The following ANO3 variants were observed in gnomAD, a reference collection of about 807,000 sequenced individuals.
ANO3 encodes anoctamin 3.
In ANO3, 99 loss-of-function variants were observed where a neutral mutation model predicts 144.8. The ratio of observed to expected loss-of-function variants is 0.68; its 90% CI spans 0.58 to 0.81. The LOEUF (loss-of-function observed/expected upper bound fraction) is 0.81. ANO3 is among the 30% of genes least tolerant of loss of function. ANO3 has a pLI of 0.00. For synonymous variants in ANO3, 414 were observed against 392.6 expected, an observed-to-expected ratio of 1.05 and a Z score of -0.64; for missense variants, 905 against 1,202.2, an observed-to-expected ratio of 0.75 and a Z score of 3.66.
At chr11:26,358,506 T>C (rs887626764) in intron 1 of ANO3, among the ~76,000 whole-genome samples, 1 of 152,208 alleles carries the variant, frequency 6.6e-6, no homozygotes, top group Admixed American at 6.5e-5. Context: ...GGGATTTTTA[T>C]TGGGATTGTA....
intron 1 of ANO3, among the ~76,000 whole-genome samples, chr11:26,294,437 G>A (rs1854040042): frequency 6.6e-6 from 1 of 151,706 alleles, no homozygotes; most frequent in South Asian, 2.1e-4. Context: ...CATTGTATAT[G>A]TTTATCATGT....
At chr11:26,204,511 GA>G (rs2133915354) in intron 1 of ANO3, among the ~76,000 whole-genome samples, 1 of 152,224 alleles carries the variant, frequency 6.6e-6, no homozygotes, top group Non-Finnish European at 1.5e-5. Context: ...AATTTTCCCT[GA>G]GAATAATTTT....
chr11:26,418,013 C>A (rs916867548), intron 1 of ANO3, among the ~76,000 whole-genome samples: 9 of 152,028 alleles, frequency 5.9e-5, no homozygotes, highest in Non-Finnish European at 8.8e-5. Context: ...TTTCTTCTAG[C>A]ATTAGTAAAA....
intron 1 of ANO3, among the ~76,000 whole-genome samples, chr11:26,359,878 TGTG>T (rs1226313610): frequency 6.6e-6 from 1 of 150,484 alleles, no homozygotes; most frequent in Non-Finnish European, 1.5e-5. Flanking sequence ...GTCAGACTAG[TGTG>T]TGTGTGTGTG....
chr11:26,377,425 A>G (rs1344695492), intron 1 of ANO3, among the ~76,000 whole-genome samples: 1 of 152,172 alleles, frequency 6.6e-6, no homozygotes, highest in Non-Finnish European at 1.5e-5. Flanking sequence ...AATCATTAGC[A>G]TAAAAAGTTC....
At chr11:26,392,608 G>A (rs955825830) in intron 1 of ANO3, among the ~76,000 whole-genome samples, 5 of 152,016 alleles carry the variant, frequency 3.3e-5, no homozygotes, top group African/African-American at 9.7e-5. Context: ...CATTTAGGAG[G>A]CTGGTACAGT....
chr11:26,503,695 G>A (rs976646904), intron 4 of ANO3, among the ~76,000 whole-genome samples: 6 of 152,084 alleles, frequency 3.9e-5, no homozygotes, highest in Admixed American at 3.3e-4. Flanking sequence ...TACTCACTGA[G>A]AGACAAAATT....
At chr11:26,348,205 CT>C (rs1284456452) in intron 1 of ANO3, among the ~76,000 whole-genome samples, 85 of 152,194 alleles carry the variant, frequency 5.6e-4, no homozygotes, top group African/African-American at 2.0e-3. Flanking sequence ...TATATTATGC[CT>C]TAAATTCTTT....
chr11:26,345,091 A>G (rs1478980997), intron 1 of ANO3, among the ~76,000 whole-genome samples: 1 of 152,200 alleles, frequency 6.6e-6, no homozygotes, highest in African/African-American at 2.4e-5. Flanking sequence ...TATGGAAATT[A>G]CCATATTGTC....
chr11:26,249,866 GT>G (rs1433147041), intron 1 of ANO3, among the ~76,000 whole-genome samples: 2 of 152,100 alleles, frequency 1.3e-5, no homozygotes, highest in Non-Finnish European at 2.9e-5. Flanking sequence ...CCTATGCAAA[GT>G]CTTCCGCAGT....
At chr11:26,276,065 G>T (rs1038084815) in intron 1 of ANO3, among the ~76,000 whole-genome samples, 1 of 152,122 alleles carries the variant, frequency 6.6e-6, no homozygotes, top group Non-Finnish European at 1.5e-5. Context: ...CTGCACAAGG[G>T]AGGCCTTGCT....
At chr11:26,329,776 T>C (rs1323166513), upstream of ANO3, among the ~76,000 whole-genome samples, 2 of 151,916 alleles carry the variant, frequency 1.3e-5, no homozygotes, top group African/African-American at 4.8e-5. Context: ...GTAAAGGTGA[T>C]ACCTGTGCCT....
intron 4 of ANO3, among the ~76,000 whole-genome samples, chr11:26,492,945 T>A (rs1477833899): frequency 6.6e-6 from 1 of 152,208 alleles, no homozygotes; most frequent in Non-Finnish European, 1.5e-5. Flanking sequence ...AATACTAGGC[T>A]GCACTGTTTC....
At chr11:26,433,452 G>T (rs181820743) in intron 1 of ANO3, among the ~76,000 whole-genome samples, 214 of 152,212 alleles carry the variant, frequency 1.4e-3, no homozygotes, top group Non-Finnish European at 2.7e-3. Flanking sequence ...TGGTGAGAGA[G>T]GGCATCCTTG....
intron 11 of ANO3, among the ~76,000 whole-genome samples, chr11:26,546,754 G>A (rs3105882): frequency 0.66 from 100,062 of 151,882 alleles, 33,258 homozygotes; most frequent in East Asian, 0.83. Flanking sequence ...AGCATCCTTC[G>A]ATACTTCCTG....
At chr11:26,559,191 C>G (rs1425718901) in intron 13 of ANO3, 1 of 152,194 alleles carries the variant, frequency 6.6e-6, no homozygotes, top group Non-Finnish European at 1.5e-5. Context: ...ACTTTTAAAA[C>G]AAATTAAGAT....
At chr11:26,367,299 C>T (rs1175561160) in intron 1 of ANO3, among the ~76,000 whole-genome samples, 1 of 152,186 alleles carries the variant, frequency 6.6e-6, no homozygotes, top group Non-Finnish European at 1.5e-5. Flanking sequence ...CTCTGATGTT[C>T]AAACTTCCAC....
intron 1 of ANO3, among the ~76,000 whole-genome samples, chr11:26,433,050 A>G (rs571565656): frequency 1.3e-5 from 2 of 152,080 alleles, no homozygotes; most frequent in African/African-American, 4.8e-5. Context: ...ATGTTCTTGC[A>G]TTTGTTTGTA....
chr11:26,622,978 G>T (rs1852464952), intron 17 of ANO3, among the ~76,000 whole-genome samples: 1 of 152,264 alleles, frequency 6.6e-6, no homozygotes, highest in Non-Finnish European at 1.5e-5. Flanking sequence ...ACTCCTTGGA[G>T]ACCCTGCTAT....
Sources: allele counts gnomAD v4.1 joint callset (sites outside exome capture counted in the v4.1 genomes callset), GRCh38; gene constraint gnomAD v4.1.1; transcripts MANE v1.5; gene names NCBI Gene and HGNC (gene_info 2026-07-23, HGNC 2026-07-21).